Variants in PCDHA7 observed in about 807,000 individuals in gnomAD.
PCDHA7 encodes protocadherin alpha-7.
Under a neutral mutation model 57.2 loss-of-function variants are expected in PCDHA7, and 37 were observed. The observed-to-expected ratio is 0.65, with a 90% CI of 0.50 to 0.85. The LOEUF (loss-of-function observed/expected upper bound fraction) is 0.85. Among genes scored for constraint, PCDHA7 ranks in the 40% least tolerant of loss-of-function variants. The probability of loss-of-function intolerance (pLI) is 0.00; values close to 1 mark genes in which losing one functional copy is unlikely to be tolerated. For missense variants in PCDHA7, 1,188 were observed against 1,241.8 expected, an observed-to-expected ratio of 0.96 and a Z score of 0.65; for synonymous variants, 553 against 558.8, an observed-to-expected ratio of 0.99 and a Z score of 0.15.
rs79304807 is a variant in PCDHA7 at position 140,914,832 on chromosome 5, A to G, written c.2356-64117A>G. ...ACTTAACAGACTGCATAAACAAAAA[A>G]CAAACACACAAAAGGAAGACTAATA... On this transcript the variant is annotated intron_variant, in intron 1 of 3. Transcript: ENST00000525929. 8.0e-3 allele frequency among the ~76,000 whole-genome samples: 1,220 copies of G among 152,292 alleles called. 6 individuals carry two copies. Among genetic ancestry groups the G allele is most frequent in the African/African-American group, 0.019 (787 of 41,574 alleles).
intron 1 of PCDHA7, among the ~76,000 whole-genome samples, chr5:140,917,163 G>A (rs948639951): frequency 6.6e-6 from 1 of 152,182 alleles, no homozygotes; most frequent in Admixed American, 6.5e-5. Flanking sequence ...ATATGGGAGG[G>A]GTGATGGTGG....
Position 140,835,259 on chromosome 5 carries a change from G to A in PCDHA7, c.876G>A (p.Lys292=), listed in dbSNP as rs1773539388. ...ATGTTTCTCCAGATATAAAATCCAA[G>A]TTCCACATGGACCCCTTAAGTGGGG... ...SSDVSPDIKS[K]FHMDPLSGAI... is the part of the protein sequence containing the mutation. Residue 292 remains lysine, a synonymous_variant, in exon 1 of 4, where the codon AAG becomes AAA. Coordinates refer to ENST00000525929, the MANE Select transcript of PCDHA7 (RefSeq NM_018910.3). The A allele has an allele frequency of 1.9e-6, 3 of 1,607,888 alleles. No individual in the cohort carries two copies.
intron 1 of PCDHA7, chr5:140,868,465 T>A (rs1460620913): frequency 6.6e-6 from 1 of 152,416 alleles, no homozygotes; most frequent in Non-Finnish European, 1.5e-5. Context: ...AGAGCTGCTT[T>A]TATAAAACTT....
At chr5:140,966,763 G>C (rs1020607410) in intron 1 of PCDHA7, 1 of 1,470,370 alleles carries the variant, frequency 6.8e-7, no homozygotes, top group Non-Finnish European at 9.0e-7. Flanking sequence ...CGCGGCCAGT[G>C]GCTATGGAGC....
intron 3 of PCDHA7, 149 bp downstream of exon 3, chr5:140,982,712 T>C: frequency 7.3e-7 from 1 of 1,373,964 alleles, no homozygotes; most frequent in Non-Finnish European, 9.6e-7. Context: ...TCCTTACATA[T>C]ATGATTATTT....
At chr5:140,975,283 A>G (rs1554236730) in intron 1 of PCDHA7, among the ~76,000 whole-genome samples, 1 of 152,122 alleles carries the variant, frequency 6.6e-6, no homozygotes, top group Non-Finnish European at 1.5e-5. Context: ...TGACCTCTAG[A>G]CCCAGATTTA....
chr5:140,985,946 A>G (rs1265124776), intron 3 of PCDHA7, among the ~76,000 whole-genome samples: 1 of 151,962 alleles, frequency 6.6e-6, no homozygotes, highest in Non-Finnish European at 1.5e-5. Flanking sequence ...TCACTGTGTT[A>G]GCCAGGATGG....
intron 1 of PCDHA7, chr5:140,884,364 A>G: frequency 1.2e-6 from 2 of 1,613,884 alleles, no homozygotes; most frequent in Non-Finnish European, 1.7e-6. Flanking sequence ...GTCAATGTTT[A>G]CTTGATCATT....
chr5:140,956,243 C>T (rs2095270530), intron 1 of PCDHA7, among the ~76,000 whole-genome samples: 1 of 152,142 alleles, frequency 6.6e-6, no homozygotes, highest in African/African-American at 2.4e-5. Flanking sequence ...AAGGGGAATG[C>T]TTCCAGGTTT....
In PCDHA7 at chr5:140,876,831, T is replaced by G. The variant is rs201991889; in HGVS notation, c.2355+40093T>G. Reference sequence around the variant, plus strand: ...TGGCCGACGTGAACGACAATGCGCCTGCGTTCGCGCAGCCCGAGTACACAG... The same window carrying G: ...TGGCCGACGTGAACGACAATGCGCCGGCGTTCGCGCAGCCCGAGTACACAG... On this transcript the variant is annotated intron_variant, in intron 1 of 3. Coordinates refer to ENST00000525929, the MANE Select transcript of PCDHA7 (RefSeq NM_018910.3). 1.5e-4 allele frequency: 250 copies of G among 1,614,080 alleles called. 4 individuals are homozygous for G. In the East Asian group the frequency reaches 3.4e-3, roughly 22 times the overall value.
intron 1 of PCDHA7, 159 bp from the exon 2 acceptor site, chr5:140,978,790 T>C (rs2096823347): frequency 3.1e-6 from 3 of 975,976 alleles, no homozygotes; most frequent in Non-Finnish European, 3.7e-6. Flanking sequence ...TAAAGTGCTA[T>C]ATATGTAGAT....
chr5:140,905,540 C>T (rs1294771375), intron 1 of PCDHA7, among the ~76,000 whole-genome samples: 5 of 151,890 alleles, frequency 3.3e-5, no homozygotes, highest in African/African-American at 9.7e-5. Flanking sequence ...TCCATATGAA[C>T]TTTAGGATTG....
chr5:140,870,902 C>G (rs2052520790), intron 1 of PCDHA7: 1 of 1,613,846 alleles, frequency 6.2e-7, no homozygotes. Flanking sequence ...GATGCGGACT[C>G]AGGCTACAAC....
intron 1 of PCDHA7, chr5:140,858,504 C>A: frequency 4.8e-6 from 7 of 1,454,340 alleles, no homozygotes; most frequent in Non-Finnish European, 6.6e-6. Flanking sequence ...CGCATTTTCT[C>A]AAATATGTAT....
intron 1 of PCDHA7, among the ~76,000 whole-genome samples, chr5:140,978,524 C>G (rs1554239389): frequency 2.0e-5 from 3 of 152,208 alleles, no homozygotes; most frequent in Admixed American, 6.5e-5. Context: ...TCCAGCCAGG[C>G]CAGCAGAACT....
chr5:140,958,035 T>G (rs1284725890), intron 1 of PCDHA7, among the ~76,000 whole-genome samples: 2 of 152,120 alleles, frequency 1.3e-5, no homozygotes, highest in African/African-American at 4.8e-5. Context: ...ATGCTTTCTT[T>G]GCTTGTGATA....
intron 1 of PCDHA7, among the ~76,000 whole-genome samples, chr5:140,960,936 T>G (rs1198055000): frequency 6.6e-6 from 1 of 152,210 alleles, no homozygotes. Flanking sequence ...CTAAGTTTAG[T>G]GAATTAGAAA....
At chr5:140,909,747 G>T (rs1554193902) in intron 1 of PCDHA7, among the ~76,000 whole-genome samples, 1 of 152,146 alleles carries the variant, frequency 6.6e-6, no homozygotes, top group East Asian at 1.9e-4. Context: ...CTGGGGAAAT[G>T]ACCACAGGAT....
rs541589842 is a variant in PCDHA7, at chr5:140,964,001, A to G, written c.2356-14948A>G. Reference sequence around the variant, plus strand: ...TCTATATTCCTAATTACTGTGTTCTACTTTTTAATAGAGAGCTCTTGAAGG... The same window carrying G: ...TCTATATTCCTAATTACTGTGTTCTGCTTTTTAATAGAGAGCTCTTGAAGG... On this transcript the variant is annotated intron_variant, in intron 1 of 3. Transcript: ENST00000525929. Among the ~76,000 whole-genome samples the G allele has an allele frequency of 9.2e-5, 14 of 152,286 alleles. No homozygotes were observed. The South Asian group carries it at 2.7e-3, about 29-fold the overall frequency.
Sources: gnomAD v4.1 joint callset for allele counts (sites outside exome capture counted in the v4.1 genomes callset) on GRCh38, gnomAD v4.1.1 for gene constraint, MANE v1.5 for transcripts, NCBI Gene and HGNC (gene_info 2026-07-23, HGNC 2026-07-21) for gene names.